PLCE1: variants seen among roughly 807,000 people sequenced by gnomAD.
PLCE1 encodes the protein phospholipase C epsilon 1.
PLCE1 carries 119 observed loss-of-function variants against 242.8 expected under a neutral mutation model. That is an observed-to-expected ratio of 0.49 (90% CI 0.42 to 0.57). The LOEUF is 0.57. PLCE1 is among the 20% of genes least tolerant of loss of function. The pLI is 0.00. For synonymous variants in PLCE1, 945 were observed against 1,017.4 expected, an observed-to-expected ratio of 0.93 and a Z score of 1.35; for missense variants, 2,441 against 2,788.8, an observed-to-expected ratio of 0.88 and a Z score of 2.81.
intron 1 of PLCE1, among the ~76,000 whole-genome samples, chr10:94,015,990 G>A (rs748391823): frequency 3.3e-5 from 5 of 152,290 alleles, no homozygotes; most frequent in Admixed American, 6.5e-5. Context: ...AATCATACCC[G>A]TTGGTTGATC....
chr10:94,112,578 C>A (rs746113733), intron 2 of PLCE1, among the ~76,000 whole-genome samples: 1 of 152,202 alleles, frequency 6.6e-6, no homozygotes. Context: ...TCCCAACGAA[C>A]CCTGGCTGCT....
chr10:94,267,946 A>G (rs1338842214), intron 16 of PLCE1, among the ~76,000 whole-genome samples: 1 of 152,254 alleles, frequency 6.6e-6, no homozygotes. Flanking sequence ...ACTAAGCCCC[A>G]GTAATGGATT....
intron 1 of PLCE1, among the ~76,000 whole-genome samples, chr10:94,022,364 A>C (rs537713908): frequency 7.2e-5 from 11 of 152,136 alleles, no homozygotes; most frequent in Non-Finnish European, 1.5e-4. Flanking sequence ...TAAATAAAAA[A>C]CATTGCTTAG....
chr10:94,093,694 T>G (rs749745700), intron 2 of PLCE1, among the ~76,000 whole-genome samples: 17 of 152,204 alleles, frequency 1.1e-4, no homozygotes, highest in Non-Finnish European at 2.4e-4. Context: ...GTCTTGACTC[T>G]GCCTAGGTCT....
intron 8 of PLCE1, among the ~76,000 whole-genome samples, chr10:94,247,152 A>G (rs923690946): frequency 6.6e-6 from 1 of 151,126 alleles, no homozygotes; most frequent in Non-Finnish European, 1.5e-5. Context: ...GTGTAAAGCC[A>G]CAGTATAATT....
At chr10:94,097,335 GTGC>G (rs1429670698) in intron 2 of PLCE1, among the ~76,000 whole-genome samples, 1 of 152,110 alleles carries the variant, frequency 6.6e-6, no homozygotes, top group Non-Finnish European at 1.5e-5. Context: ...ATTAGGACCT[GTGC>G]TGAAGAAAGC....
intron 4 of PLCE1, among the ~76,000 whole-genome samples, chr10:94,196,021 G>T (rs2048810537): frequency 6.6e-6 from 1 of 152,126 alleles, no homozygotes; most frequent in African/African-American, 2.4e-5. Context: ...TTGTTTATAT[G>T]ATCTACAAGT....
intron 4 of PLCE1, among the ~76,000 whole-genome samples, chr10:94,221,268 C>T (rs2049733844): frequency 6.6e-6 from 1 of 152,202 alleles, no homozygotes; most frequent in African/African-American, 2.4e-5. Context: ...GATGTCAGTG[C>T]TCCACATTTG....
At chr10:94,292,131 A>T (rs937827568) in intron 22 of PLCE1, among the ~76,000 whole-genome samples, 4 of 152,222 alleles carry the variant, frequency 2.6e-5, no homozygotes, top group African/African-American at 4.8e-5. Flanking sequence ...AGATCAAGGT[A>T]TGAGAACTCA....
At chr10:94,290,577 A>G (rs1024178338) in intron 22 of PLCE1, among the ~76,000 whole-genome samples, 26 of 151,908 alleles carry the variant, frequency 1.7e-4, no homozygotes, top group African/African-American at 6.3e-4. Context: ...TTCAGGGACA[A>G]TAACAAGCAT....
intron 24 of PLCE1, among the ~76,000 whole-genome samples, chr10:94,300,801 C>A (rs1402605353): frequency 6.6e-6 from 1 of 152,182 alleles, no homozygotes; most frequent in Non-Finnish European, 1.5e-5. Context: ...TGGCTCATAC[C>A]TGTAATCCCA....
intron 14 of PLCE1, 141 bp downstream of exon 14, chr10:94,262,873 GT>G (rs930079960): frequency 1.2e-5 from 8 of 678,560 alleles, no homozygotes; most frequent in Non-Finnish European, 1.8e-5. Flanking sequence ...TTTTTTTTTT[GT>G]TTTTTTGGGT....
chr10:94,238,287 T>G (rs1368739912), intron 7 of PLCE1, among the ~76,000 whole-genome samples: 3 of 152,150 alleles, frequency 2.0e-5, no homozygotes, highest in African/African-American at 7.2e-5. Context: ...CTTCAAGATC[T>G]CAGCAGGAAG....
chr10:94,227,194 C>A, intron 4 of PLCE1, 112 bp from the exon 5 acceptor site: 1 of 1,032,062 alleles, frequency 9.7e-7, no homozygotes, highest in Non-Finnish European at 1.5e-6. Context: ...ACAGGTCTTT[C>A]ATTTCCTAAT....
At chr10:94,051,078 C>T (rs2043751256) in intron 2 of PLCE1, among the ~76,000 whole-genome samples, 1 of 151,952 alleles carries the variant, frequency 6.6e-6, no homozygotes, top group African/African-American at 2.4e-5. Context: ...TTGAAAAGAT[C>T]TCCTCAACTA....
intron 2 of PLCE1, among the ~76,000 whole-genome samples, chr10:94,048,691 A>G (rs1017826230): frequency 1.4e-5 from 2 of 144,546 alleles, no homozygotes; most frequent in Non-Finnish European, 3.0e-5. Context: ...ATATTTATAA[A>G]TAATATAAAT....
At chr10:94,291,177 C>T (rs2052632439) in intron 22 of PLCE1, among the ~76,000 whole-genome samples, 1 of 151,940 alleles carries the variant, frequency 6.6e-6, no homozygotes, top group African/African-American at 2.4e-5. Context: ...TTTTTAGAGA[C>T]AGAGTCTTGC....
In PLCE1 at chr10:94,052,639, CTTTTTCTT is replaced by C. The variant is rs1300255378; in HGVS notation, c.1206+20400_1206+20407del. ...TTCCCCCTCCTTCTTTTCTTTCTTTCTTTTTCTTTTTTTCTTTTTTAAGCTAGAAAAAA... is the reference window on the plus strand; with the variant it reads ...TTCCCCCTCCTTCTTTTCTTTCTTTCTTTTTCTTTTTTAAGCTAGAAAAAA... On this transcript the variant is annotated intron_variant, in intron 2 of 32. Transcript: ENST00000371380. Among the ~76,000 whole-genome samples, 4 of 152,028 alleles carry C rather than the reference CTTTTTCTT, an allele frequency of 2.6e-5. No individual in the cohort carries two copies. The East Asian group carries it at 5.8e-4, about 22-fold the overall frequency.
At position 94,324,561 on chromosome 10, in the gene PLCE1, G is replaced by C; in HGVS notation, c.6714G>C (p.Gln2238His). ...AGKFILKLKE[Q>H]VQASREDKKK... is the part of the protein sequence containing the mutation. ...AATTCATCCTTAAGCTAAAGGAGCA[G>C]GTGCAGGTAAAGTTTAAAGTTATTT... The change falls in exon 31 of 33, where the codon CAG (glutamine) becomes CAC (histidine). Residue 2238 changes from glutamine to histidine, a missense_variant. This residue lies in a region of PLCE1 where 310 missense variants were observed against 317.2 expected (regional missense o/e 0.98). Coordinates refer to ENST00000371380, the MANE Select transcript of PLCE1 (RefSeq NM_016341.4). 1 of 1,612,234 alleles carries C rather than the reference G, an allele frequency of 6.2e-7. No homozygotes were observed. Among genetic ancestry groups the C allele is most frequent in the Non-Finnish European group, 8.5e-7 (1 of 1,178,296 alleles).
Sources: allele counts gnomAD v4.1 joint callset (sites outside exome capture counted in the v4.1 genomes callset), GRCh38; gene constraint gnomAD v4.1.1; regional missense constraint gnomAD v4.1.1; transcripts MANE v1.5; gene names NCBI Gene and HGNC (gene_info 2026-07-23, HGNC 2026-07-21).